Variants in MGAT4A observed in about 807,000 individuals in gnomAD.
MGAT4A encodes N-acetylglucosaminyltransferase IVa.
In MGAT4A, 33 loss-of-function variants were observed where a neutral mutation model predicts 74.1. The ratio of observed to expected loss-of-function variants is 0.45; its 90% CI spans 0.34 to 0.60. The LOEUF (loss-of-function observed/expected upper bound fraction) is 0.60, where lower values mean the gene tolerates loss of function less well. MGAT4A is among the 20% of genes least tolerant of loss of function. The pLI is 0.02. For missense variants in MGAT4A, 479 were observed against 628.3 expected, an observed-to-expected ratio of 0.76 and a Z score of 2.54; for synonymous variants, 198 against 210.4, an observed-to-expected ratio of 0.94 and a Z score of 0.51.
At chr2:98,708,976 G>A (rs560867791) in intron 2 of MGAT4A, among the ~76,000 whole-genome samples, 5 of 152,196 alleles carry the variant, frequency 3.3e-5, no homozygotes, top group Non-Finnish European at 7.3e-5. Context: ...TACTGCCCTG[G>A]AGGCAGTGGG....
chr2:98,650,070 C>A (rs1701555308), intron 8 of MGAT4A, among the ~76,000 whole-genome samples: 1 of 151,960 alleles, frequency 6.6e-6, no homozygotes. Flanking sequence ...ATGAGAATAT[C>A]AATAGAGATA....
chr2:98,678,249 A>AAAAAAATAT (rs67023324), intron 3 of MGAT4A, 55 bp downstream of exon 3: 82 of 263,764 alleles, frequency 3.1e-4, no homozygotes, highest in Non-Finnish European at 3.5e-4. Flanking sequence ...AAAAAAAAAA[A>AAAAAAATAT]ATATATATAT....
chr2:98,666,139 T>G (rs1253926596), intron 4 of MGAT4A, among the ~76,000 whole-genome samples: 1 of 152,130 alleles, frequency 6.6e-6, no homozygotes, highest in African/African-American at 2.4e-5. Context: ...AGATGGTGGT[T>G]TGAATGAGGC....
At chr2:98,694,505 T>A (rs1395780688) in intron 2 of MGAT4A, 1 of 154,100 alleles carries the variant, frequency 6.5e-6, no homozygotes, top group Non-Finnish European at 1.5e-5. Flanking sequence ...AGTATCTTGC[T>A]GAAGTTGCAT....
intron 2 of MGAT4A, 21 bp downstream of exon 2, chr2:98,726,218 T>G (rs780761013): frequency 6.2e-7 from 1 of 1,602,830 alleles, no homozygotes; most frequent in South Asian, 1.1e-5. Flanking sequence ...TCATGCACAT[T>G]TTCCGAGTCA....
chr2:98,664,200 CAAAAAAAAAA>C (rs57981145), intron 4 of MGAT4A, among the ~76,000 whole-genome samples: 31 of 51,486 alleles, frequency 6.0e-4, no homozygotes, highest in South Asian at 2.2e-3. Context: ...GATTCCATCT[CAAAAAAAAAA>C]AAAAAAAAAA....
intron 2 of MGAT4A, among the ~76,000 whole-genome samples, chr2:98,679,405 CAAAAAAAAAAAAA>C (rs753919040): frequency 3.0e-5 from 1 of 33,328 alleles, no homozygotes; most frequent in Admixed American, 3.3e-4. Flanking sequence ...GACTCCGTCT[CAAAAAAAAAAAAA>C]AAAAAAAAAA....
intron 14 of MGAT4A, among the ~76,000 whole-genome samples, chr2:98,632,426 C>T (rs1701253706): frequency 6.6e-6 from 1 of 152,194 alleles, no homozygotes; most frequent in African/African-American, 2.4e-5. Flanking sequence ...GCCAAGAGGG[C>T]TCTTACTAGC....
Position 98,621,799 on chromosome 2 carries a change from G to T in MGAT4A, c.*3767C>A. ...CAACCTCTTTTTCATTATTATGATA[G>T]ATTTTTTAAAGGCCTTCATAATTTT... is the stretch of plus-strand genomic sequence containing the variant. On this transcript the variant is annotated 3_prime_UTR_variant, in exon 16 of 16. Transcript: ENST00000393487. 9.2e-7 allele frequency: 1 copy of T among 1,085,358 alleles called. No individual in the cohort carries two copies. The highest frequency in any genetic ancestry group is 1.1e-6 in the Non-Finnish European group (1 of 895,418). 67.2% of individuals were successfully genotyped at this position (1,085,358 alleles called of 1,614,324 possible).
At chr2:98,645,132 T>G (rs187013307) in intron 9 of MGAT4A, among the ~76,000 whole-genome samples, 362 of 152,326 alleles carry the variant, frequency 2.4e-3, no homozygotes, top group African/African-American at 8.2e-3. Flanking sequence ...TGCAATCTTA[T>G]GTTAACAAAG....
At chr2:98,641,075 T>C (rs1701400479) in intron 10 of MGAT4A, among the ~76,000 whole-genome samples, 1 of 152,148 alleles carries the variant, frequency 6.6e-6, no homozygotes, top group Non-Finnish European at 1.5e-5. Context: ...GGTCCAGACG[T>C]TCCATCTCAA....
In MGAT4A at chr2:98,622,118, G is replaced by A. The variant is rs941761992; in HGVS notation, c.*3448C>T. ...CTTACATCTTAGAATCCTAGAAATG[G>A]GTCCTCAGCTTTCTCTTCTCACCCA... On this transcript the variant is annotated 3_prime_UTR_variant, in exon 16 of 16. Coordinates refer to ENST00000393487, the MANE Select transcript of MGAT4A (RefSeq NM_012214.3). 2.0e-6 allele frequency: 2 copies of A among 985,264 alleles called. No individual in the cohort carries two copies. The highest frequency in any genetic ancestry group is 2.4e-6 in the Non-Finnish European group (2 of 829,880). The allele number at this position is 985,264 out of a possible 1,614,324, so 61.0% of individuals were successfully genotyped here.
At chr2:98,675,848 T>C (rs1701971501) in intron 3 of MGAT4A, among the ~76,000 whole-genome samples, 1 of 152,204 alleles carries the variant, frequency 6.6e-6, no homozygotes, top group Admixed American at 6.5e-5. Context: ...GCTATCATGC[T>C]CAACCATTCA....
chr2:98,682,422 CA>C (rs1013377462), intron 2 of MGAT4A, among the ~76,000 whole-genome samples: 1,749 of 36,392 alleles, frequency 0.048, 2 homozygotes, highest in East Asian at 0.12. Flanking sequence ...AATTCCATCT[CA>C]AAAAAAAAAA....
chr2:98,629,488 G>T (rs1298338822), intron 14 of MGAT4A, among the ~76,000 whole-genome samples: 2 of 152,076 alleles, frequency 1.3e-5, no homozygotes, highest in Non-Finnish European at 2.9e-5. Context: ...GCAAAACTTG[G>T]AACATTTTAA....
intron 8 of MGAT4A, among the ~76,000 whole-genome samples, chr2:98,651,549 A>C (rs1374461789): frequency 6.6e-6 from 1 of 152,166 alleles, no homozygotes; most frequent in Non-Finnish European, 1.5e-5. Flanking sequence ...CAAAATGAGT[A>C]TCTATTGAAT....
At chr2:98,659,938 A>C (rs548647859) in intron 5 of MGAT4A, among the ~76,000 whole-genome samples, 4 of 152,228 alleles carry the variant, frequency 2.6e-5, no homozygotes, top group South Asian at 4.1e-4. Context: ...TGTTATAAAG[A>C]CTGTCAAAGC....
intron 8 of MGAT4A, among the ~76,000 whole-genome samples, chr2:98,646,971 TAGTA>T (rs572461152): frequency 3.9e-5 from 6 of 152,226 alleles, no homozygotes; most frequent in Non-Finnish European, 8.8e-5. Flanking sequence ...CTTTAAAAAT[TAGTA>T]AGAGCATGAA....
chr2:98,643,938 G>T lies in MGAT4A; in HGVS notation c.1005C>A (p.Asn335Lys). Residue 335 changes from asparagine to lysine, a missense_variant, in exon 10 of 16, where the codon AAC becomes AAA. By Grantham distance (94) the Asn-to-Lys change is moderately conservative. Coordinates refer to ENST00000393487, the MANE Select transcript of MGAT4A (RefSeq NM_012214.3). ...ATTAACTTACTGCATCTTTTTCAGG[G>T]TTGCAGACTTTCACCCAGAGAATAT... ...LDHILWVKVCNPEKDAKHCDR... is the reference protein window; with the variant it reads ...LDHILWVKVCKPEKDAKHCDR... The T allele has an allele frequency of 6.4e-7, 1 of 1,562,974 alleles. No individual in the cohort carries two copies. The highest frequency in any genetic ancestry group is 8.7e-7 in the Non-Finnish European group (1 of 1,147,844).
Sources: gnomAD v4.1 joint callset for allele counts (sites outside exome capture counted in the v4.1 genomes callset) on GRCh38, gnomAD v4.1.1 for gene constraint, MANE v1.5 for transcripts, NCBI Gene and HGNC (gene_info 2026-07-23, HGNC 2026-07-21) for gene names.